APBA2: variants seen among roughly 807,000 people sequenced by gnomAD.
APBA2 encodes amyloid beta precursor protein binding family A member 2.
Under a neutral mutation model 75.0 loss-of-function variants are expected in APBA2, and 30 were observed. The observed-to-expected ratio is 0.40, with a 90% confidence interval of 0.30 to 0.54. APBA2 has a LOEUF of 0.54. APBA2 is among the 20% of genes least tolerant of loss of function. The pLI, the probability that APBA2 is intolerant of heterozygous loss-of-function variation, is 0.49. For missense variants in APBA2, 801 were observed against 1,016.1 expected (o/e 0.79, Z 2.88); for synonymous variants, 444 against 409.6 (o/e 1.08, Z -1.01).
intron 1 of APBA2, among the ~76,000 whole-genome samples, chr15:28,915,409 CCTAT>C (rs2033644377): frequency 6.8e-6 from 1 of 147,534 alleles, no homozygotes; most frequent in African/African-American, 2.5e-5. Flanking sequence ...ACACATTCAC[CCTAT>C]ACACACCACA....
Position 29,060,380 on chromosome 15 carries a change from C to T in APBA2, c.951+5545C>T, listed in dbSNP as rs1446957017. 2.0e-5 allele frequency among the ~76,000 whole-genome samples: 3 copies of T among 152,240 alleles called. No homozygotes were observed. The East Asian group carries it at 5.8e-4, about 29-fold the overall frequency. ...TGAATAGACTGTGGACTGTGTTATG[C>T]CAAAACCCGTGCCTCTGAACAGTGC... On this transcript the variant is annotated intron_variant, in intron 4 of 14. Transcript: ENST00000683413.
chr15:29,113,411 C>G (rs1048144872), intron 13 of APBA2, among the ~76,000 whole-genome samples: 1 of 152,148 alleles, frequency 6.6e-6, no homozygotes, highest in African/African-American at 2.4e-5. Context: ...TTTGGGCATC[C>G]GGCAAACAGA....
rs2039312436 is a variant in APBA2, at chr15:29,009,877, A to G, written c.-41+14071A>G. ...ATTGCTGCTGGGAACACTGTTACAC[A>G]TTTGTTGTACACATGATTGCATTTC... On this transcript the variant is annotated intron_variant, in intron 3 of 14. Coordinates refer to ENST00000683413, the MANE Select transcript of APBA2 (RefSeq NM_001353788.2). 2.0e-5 allele frequency among the ~76,000 whole-genome samples: 3 copies of G among 152,170 alleles called. No homozygotes were observed. In the South Asian group the frequency reaches 6.2e-4, roughly 31 times the overall value.
At chr15:28,960,845 C>T (rs537074740) in intron 2 of APBA2, among the ~76,000 whole-genome samples, 54 of 149,612 alleles carry the variant, frequency 3.6e-4, no homozygotes, top group African/African-American at 1.1e-3. Context: ...CCGCAACCTC[C>T]GCCTCCCAGG....
At chr15:28,945,482 G>T (rs960779759) in intron 2 of APBA2, among the ~76,000 whole-genome samples, 4 of 151,688 alleles carry the variant, frequency 2.6e-5, no homozygotes, top group Non-Finnish European at 5.9e-5. Context: ...TAGGGTTATT[G>T]GTGGCTAGAC....
rs1184288394 is a variant in APBA2 at position 29,101,688 on chromosome 15, C to A, written c.1428C>A (p.Pro476=). The part of the protein sequence containing the change: ...IVVLMARRRM[P]RSASQDCIET... ...TGCTGATGGCCAGACGCCGCATGCC[C>A]CGGTCAGCCTCTCAGGACTGCATCG... The change falls in exon 10 of 15, where the codon CCC becomes CCA. Residue 476 remains proline, a synonymous_variant. Coordinates refer to ENST00000683413, the MANE Select transcript of APBA2 (RefSeq NM_001353788.2). The A allele has an allele frequency of 1.9e-6, 3 of 1,613,602 alleles. No individual in the cohort carries two copies. The highest frequency in any genetic ancestry group is 2.5e-6 in the Non-Finnish European group (3 of 1,180,046).
chr15:29,050,936 C>T lies in APBA2; in HGVS notation c.-40-2909C>T, dbSNP rs149531009. 3.1e-3 allele frequency among the ~76,000 whole-genome samples: 471 copies of T among 151,880 alleles called. 3 individuals are homozygous for T. The highest frequency in any genetic ancestry group is 5.0e-3 in the Non-Finnish European group (340 of 68,022). ...CTATGCAAGGAATGGGAGCTGTGTG[C>T]TCATGTGCCAGTGATGTACCATCTG... is the stretch of plus-strand genomic sequence containing the variant. On this transcript the variant is annotated intron_variant, in intron 3 of 14. Transcript: ENST00000683413.
chr15:29,014,916 C>G (rs1444004976), intron 3 of APBA2, among the ~76,000 whole-genome samples: 1 of 152,052 alleles, frequency 6.6e-6, no homozygotes, highest in Non-Finnish European at 1.5e-5. Flanking sequence ...TTTTTCCTGT[C>G]ACCTCTCTTT....
intron 2 of APBA2, among the ~76,000 whole-genome samples, chr15:28,927,077 C>T (rs372662710): frequency 1.3e-5 from 2 of 151,944 alleles, no homozygotes; most frequent in African/African-American, 4.8e-5. Context: ...TGGCTGGTCT[C>T]GAACTCCTGA....
chr15:28,991,743 C>T lies in APBA2; in HGVS notation c.-94-4010C>T, dbSNP rs2038243979. ...ATCCTGCTGACCATGGTGCTCAGCA[C>T]AGACCCCTTCCAACCCATCCCAGGG... On this transcript the variant is annotated intron_variant, in intron 2 of 14. Transcript: ENST00000683413. This position sits in a 1 kb window ranked among gnomAD's most constrained non-coding sequence, Gnocchi z 4.7. 6.6e-6 allele frequency among the ~76,000 whole-genome samples: 1 copy of T among 152,192 alleles called. No individual in the cohort carries two copies. The highest frequency in any genetic ancestry group is 1.5e-5 in the Non-Finnish European group (1 of 68,040).
chr15:29,091,170 A>T (rs939072701), intron 6 of APBA2, among the ~76,000 whole-genome samples: 1 of 152,170 alleles, frequency 6.6e-6, no homozygotes, highest in African/African-American at 2.4e-5. Context: ...AGCCCTGCCC[A>T]GCTGGGAGAA....
At chr15:28,962,578 T>A (rs2152740315) in intron 2 of APBA2, among the ~76,000 whole-genome samples, 1 of 151,850 alleles carries the variant, frequency 6.6e-6, no homozygotes, top group East Asian at 1.9e-4. Flanking sequence ...AAAATAATAA[T>A]AATAGTAATA....
chr15:29,107,999 G>T (rs1428631498), intron 12 of APBA2, among the ~76,000 whole-genome samples: 7 of 152,184 alleles, frequency 4.6e-5, no homozygotes, highest in African/African-American at 1.7e-4. Context: ...CGCTCCTGCA[G>T]TGGCTAATCT....
intron 2 of APBA2, among the ~76,000 whole-genome samples, chr15:28,928,711 C>T (rs952618199): frequency 4.6e-5 from 7 of 152,178 alleles, no homozygotes; most frequent in African/African-American, 1.7e-4. Context: ...GCTCTGGATG[C>T]ATTTCACCAG....
chr15:29,066,974 G>A (rs1186488270), intron 4 of APBA2, among the ~76,000 whole-genome samples: 5 of 152,180 alleles, frequency 3.3e-5, no homozygotes, highest in African/African-American at 1.2e-4. Flanking sequence ...CTTCTGGGGA[G>A]GCCTCAGGAA....
At chr15:28,891,865 A>G (rs143395503) in intron 1 of APBA2, among the ~76,000 whole-genome samples, 1,873 of 152,312 alleles carry the variant, frequency 0.012, 49 homozygotes, top group African/African-American at 0.042. Flanking sequence ...TAAGATTATT[A>G]TGGAGCTGAA....
Sources: allele counts gnomAD v4.1 joint callset (sites outside exome capture counted in the v4.1 genomes callset), GRCh38; gene constraint gnomAD v4.1.1; non-coding constraint Gnocchi (gnomAD v3.1); transcripts MANE v1.5; gene names NCBI Gene and HGNC (gene_info 2026-07-23, HGNC 2026-07-21).